KNTC1: variants seen among roughly 807,000 people sequenced by gnomAD.
KNTC1 encodes the protein kinetochore-associated protein 1.
KNTC1 carries 253 observed loss-of-function variants against 314.4 expected under a neutral mutation model. The observed-to-expected ratio is 0.80, with a 90% CI of 0.73 to 0.89. KNTC1 has a LOEUF of 0.89. Among genes scored for constraint, KNTC1 ranks in the 40% least tolerant of loss-of-function variants. The pLI, the probability that KNTC1 is intolerant of heterozygous loss-of-function variation, is 0.00. For missense variants in KNTC1, 2,475 were observed against 2,572.9 expected (o/e 0.96, Z 0.82); for synonymous variants, 901 against 901.4 (o/e 1.00, Z 0.01).
rs977478821 is a variant in KNTC1 at position 122,536,863 on chromosome 12, A to G, written c.251-1476A>G. Reference sequence around the variant, plus strand: ...GAAAGATAGTTGTTGAAACTTTTACATAAGAACTTAGACAACTGAAAAGGA... The same window carrying G: ...GAAAGATAGTTGTTGAAACTTTTACGTAAGAACTTAGACAACTGAAAAGGA... On this transcript the variant is annotated intron_variant, in intron 3 of 63. Transcript: ENST00000333479. Among the ~76,000 whole-genome samples, 4 of 152,230 alleles carry G rather than the reference A, an allele frequency of 2.6e-5. 1 individual carries two copies. The highest frequency in any genetic ancestry group is 7.2e-5 in the African/African-American group (3 of 41,464).
intron 5 of KNTC1, among the ~76,000 whole-genome samples, chr12:122,541,770 C>T (rs190870278): frequency 1.9e-4 from 29 of 151,956 alleles, no homozygotes; most frequent in Non-Finnish European, 3.5e-4. Context: ...CCTGTAATCC[C>T]AGCACTTTGG....
intron 51 of KNTC1, among the ~76,000 whole-genome samples, chr12:122,607,858 C>T (rs373042012): frequency 2.4e-4 from 37 of 152,190 alleles, no homozygotes; most frequent in African/African-American, 8.7e-4. Context: ...GTGCTTTTGG[C>T]AACAATACTG....
intron 16 of KNTC1, among the ~76,000 whole-genome samples, chr12:122,554,034 T>G (rs946085227): frequency 9.7e-5 from 14 of 144,016 alleles, no homozygotes; most frequent in Admixed American, 8.5e-4. Flanking sequence ...TTAAAAAATA[T>G]AACGGTTTTA....
intron 44 of KNTC1, among the ~76,000 whole-genome samples, chr12:122,599,543 G>T (rs1231106234): frequency 6.6e-6 from 1 of 151,862 alleles, no homozygotes; most frequent in African/African-American, 2.4e-5. Context: ...CAGCAATAGG[G>T]TTTCATCATG....
intron 55 of KNTC1, 111 bp from the exon 56 acceptor site, chr12:122,614,880 C>CA (rs35997194): frequency 0.07 from 36,548 of 525,488 alleles, 5 homozygotes; most frequent in East Asian, 0.079. Context: ...GACTCCATCT[C>CA]AAAAAAAAAA....
chr12:122,537,344 A>G (rs1961922619), intron 3 of KNTC1, among the ~76,000 whole-genome samples: 2 of 152,096 alleles, frequency 1.3e-5, no homozygotes, highest in Non-Finnish European at 2.9e-5. Context: ...ACCTGGCTCT[A>G]CATTTTTTTC....
intron 31 of KNTC1, among the ~76,000 whole-genome samples, chr12:122,578,665 C>G (rs959310345): frequency 1.1e-4 from 17 of 152,282 alleles, no homozygotes; most frequent in Middle Eastern, 3.4e-3. Flanking sequence ...ACTGATCTGC[C>G]TGCCTCGGCC....
At chr12:122,549,086 C>G (rs1963002013) in intron 12 of KNTC1, among the ~76,000 whole-genome samples, 1 of 152,210 alleles carries the variant, frequency 6.6e-6, no homozygotes, top group Non-Finnish European at 1.5e-5. Flanking sequence ...CAGTCTCACT[C>G]TTTCACCCAG....
intron 41 of KNTC1, 88 bp from the exon 42 acceptor site, chr12:122,591,249 T>C (rs765757648): frequency 2.6e-6 from 2 of 772,574 alleles, no homozygotes; most frequent in Admixed American, 1.9e-5. Flanking sequence ...CACAAAGTTA[T>C]GATTTTTATT....
chr12:122,554,074 A>ATATATAT (rs71445282), intron 16 of KNTC1, among the ~76,000 whole-genome samples: 185 of 70,674 alleles, frequency 2.6e-3, no homozygotes, highest in Admixed American at 6.0e-3. Flanking sequence ...TAAAAAAAAA[A>ATATATAT]AAATATATAT....
chr12:122,606,712 C>T (rs1258052672), intron 51 of KNTC1, among the ~76,000 whole-genome samples: 2 of 151,892 alleles, frequency 1.3e-5, no homozygotes, highest in African/African-American at 4.8e-5. Flanking sequence ...CCTATATACA[C>T]CTTTCACCGA....
chr12:122,604,086 GAC>G (rs149481197), intron 48 of KNTC1, among the ~76,000 whole-genome samples: 4 of 150,460 alleles, frequency 2.7e-5, no homozygotes, highest in Admixed American at 2.0e-4. Context: ...AACACAGACT[GAC>G]ACACACACAC....
At chr12:122,605,957 C>T (rs1872540297) in intron 51 of KNTC1, among the ~76,000 whole-genome samples, 1 of 152,152 alleles carries the variant, frequency 6.6e-6, no homozygotes, top group Admixed American at 6.5e-5. Flanking sequence ...TCCTCCCCAC[C>T]TCAGCCTCCC....
In KNTC1 at chr12:122,557,426, G is replaced by T. The variant is rs371290628; in HGVS notation, c.1315G>T (p.Ala439Ser). The change falls in exon 17 of 64, where the codon GCA becomes TCA. Residue 439 changes from alanine (A) to serine (S), a missense_variant. Coordinates refer to ENST00000333479, the MANE Select transcript of KNTC1 (RefSeq NM_014708.6). ...VKSNHILEKLALSSVDASEQT... is the reference protein window; with the variant it reads ...VKSNHILEKLSLSSVDASEQT... ...GTCAAATCATATATTGGAGAAACTG[G>T]CATTGAGTTCTGTGGATGCCAGTGA... The T allele has an allele frequency of 7.4e-6, 12 of 1,613,552 alleles. No individual in the cohort carries two copies. In the African/African-American group the frequency reaches 1.5e-4, roughly 20 times the overall value.
chr12:122,587,904 T>TG (rs768476460), intron 39 of KNTC1, 30 bp downstream of exon 39: 1 of 1,593,546 alleles, frequency 6.3e-7, no homozygotes, highest in African/African-American at 1.4e-5. Context: ...TACTTTGACT[T>TG]GGGGTGAATA....
chr12:122,577,292 T>A (rs1330563749), intron 30 of KNTC1, among the ~76,000 whole-genome samples: 1 of 152,168 alleles, frequency 6.6e-6, no homozygotes, highest in African/African-American at 2.4e-5. Context: ...GATTCTATAA[T>A]CATAGCAATG....
intron 40 of KNTC1, among the ~76,000 whole-genome samples, chr12:122,590,189 C>A (rs969101255): frequency 1.3e-5 from 2 of 151,946 alleles, no homozygotes; most frequent in African/African-American, 4.8e-5. Flanking sequence ...CTGGCATGCT[C>A]TTTCTCTATT....
chr12:122,575,473 A>G, intron 27 of KNTC1, 70 bp from the exon 28 acceptor site: 1 of 976,964 alleles, frequency 1.0e-6, no homozygotes. Flanking sequence ...TGCTGATTAG[A>G]CTGTGCTGTT....
intron 8 of KNTC1, among the ~76,000 whole-genome samples, chr12:122,545,621 A>G (rs547745182): frequency 2.0e-5 from 3 of 152,194 alleles, no homozygotes; most frequent in Non-Finnish European, 4.4e-5. Flanking sequence ...AGTTCACTGC[A>G]TGTCTTTAGT....
Sources: gnomAD v4.1 joint callset for allele counts (sites outside exome capture counted in the v4.1 genomes callset) on GRCh38, gnomAD v4.1.1 for gene constraint, MANE v1.5 for transcripts, NCBI Gene and HGNC (gene_info 2026-07-23, HGNC 2026-07-21) for gene names.